LHFPL3: variants seen among roughly 807,000 people sequenced by gnomAD.
LHFPL3 encodes LHFPL tetraspan subfamily member 3.
A neutral mutation model predicts 19.3 loss-of-function variants in LHFPL3; 5 were observed. The observed-to-expected ratio is 0.26, with a 90% CI of 0.14 to 0.54. LHFPL3 has a LOEUF of 0.54. Ranked by LOEUF, LHFPL3 falls within the 20% of genes least tolerant of loss-of-function variation. The pLI is 0.94. For missense variants in LHFPL3, 249 were observed against 307.4 expected (o/e 0.81, Z 1.42); for synonymous variants, 133 against 126.2 (o/e 1.05, Z -0.36).
chr7:104,731,655 C>T (rs1440113943), intron 1 of LHFPL3, among the ~76,000 whole-genome samples: 2 of 151,790 alleles, frequency 1.3e-5, no homozygotes, highest in Non-Finnish European at 2.9e-5. Context: ...GATATACAAT[C>T]ATGTCATCTG....
At chr7:104,771,111 T>C (rs994597966) in intron 2 of LHFPL3, among the ~76,000 whole-genome samples, 1 of 152,104 alleles carries the variant, frequency 6.6e-6, no homozygotes, top group African/African-American at 2.4e-5. Context: ...TCCAGTTCTT[T>C]CTCCTCTTCA....
At chr7:104,714,567 G>A (rs908069702) in intron 1 of LHFPL3, among the ~76,000 whole-genome samples, 16 of 151,470 alleles carry the variant, frequency 1.1e-4, no homozygotes, top group African/African-American at 3.2e-4. Flanking sequence ...TCAGTGCCTC[G>A]GAGTTCATAT....
In LHFPL3 at chr7:104,833,038, T is replaced by TATATTATATAATAG. The variant is rs1554349396; in HGVS notation, c.683-73145_683-73144insTATATAATAGATAT. 1.0e-3 allele frequency among the ~76,000 whole-genome samples: 22 copies of TATATTATATAATAG among 21,604 alleles called. 3 individuals carry two copies. Among genetic ancestry groups the TATATTATATAATAG allele is most frequent in the African/African-American group, 5.1e-3 (19 of 3,760 alleles). The allele number at this position is 21,604 out of a possible 152,430, so 14.2% of individuals were successfully genotyped here. On this transcript the variant is annotated intron_variant, in intron 2 of 2. Transcript: ENST00000424859. ...TTATATATAATAGATATATTATATA[T>TATATTATATAATAG]ATATATTATATATATATTATATATA...
chr7:104,391,006 C>A (rs1361301118), intron 1 of LHFPL3, among the ~76,000 whole-genome samples: 2 of 152,108 alleles, frequency 1.3e-5, no homozygotes, highest in Non-Finnish European at 2.9e-5. Flanking sequence ...CTGTTCATAT[C>A]CTTCGCCTAC....
chr7:104,779,513 T>G (rs1794685088), intron 2 of LHFPL3, among the ~76,000 whole-genome samples: 1 of 152,114 alleles, frequency 6.6e-6, no homozygotes, highest in Non-Finnish European at 1.5e-5. Context: ...TGGTTAGATC[T>G]CTGGAGTGGT....
intron 2 of LHFPL3, among the ~76,000 whole-genome samples, chr7:104,740,623 C>G (rs942574820): frequency 5.3e-5 from 8 of 152,198 alleles, no homozygotes; most frequent in Admixed American, 4.6e-4. Context: ...AGAGCAAAGT[C>G]ACATCTACAG....
Position 104,666,150 on chromosome 7 carries a change from G to C in LHFPL3, c.446-70525G>C, listed in dbSNP as rs114463032. ...CAGTATTTAAGGTATTCAGCACCTT[G>C]ACTAGTTATCATTTCTGTGTTGGGG... On this transcript the variant is annotated intron_variant, in intron 1 of 2. Transcript: ENST00000424859. 2.6e-3 allele frequency among the ~76,000 whole-genome samples: 400 copies of C among 152,242 alleles called. 2 individuals carry two copies. The highest frequency in any genetic ancestry group is 9.3e-3 in the African/African-American group (385 of 41,552).
intron 1 of LHFPL3, among the ~76,000 whole-genome samples, chr7:104,387,250 C>A (rs1245308989): frequency 6.6e-6 from 1 of 152,088 alleles, no homozygotes; most frequent in Non-Finnish European, 1.5e-5. Context: ...TGCCTGTAAT[C>A]CCAGCTACTT....
intron 2 of LHFPL3, among the ~76,000 whole-genome samples, chr7:104,878,123 C>A (rs1791984163): frequency 5.3e-5 from 8 of 152,178 alleles, no homozygotes; most frequent in Admixed American, 5.2e-4. Context: ...GCATGAGCCA[C>A]CGTGCCTGGC....
chr7:104,474,617 A>T (rs73405790), intron 1 of LHFPL3, among the ~76,000 whole-genome samples: 15,340 of 147,566 alleles, frequency 0.1, 1,212 homozygotes, highest in African/African-American at 0.23. Flanking sequence ...CAGTAAGCAG[A>T]TATTGTGCCT....
intron 1 of LHFPL3, among the ~76,000 whole-genome samples, chr7:104,419,178 TA>T (rs61484994): frequency 4.1e-3 from 618 of 151,524 alleles, no homozygotes; most frequent in African/African-American, 0.014. Context: ...GGTATATTGG[TA>T]AAAAAAAATA....
At chr7:104,343,512 C>CAAAAAAAAAAAAAAAAAAAAAAAAA (rs536122769) in intron 1 of LHFPL3, among the ~76,000 whole-genome samples, 1 of 47,474 alleles carries the variant, frequency 2.1e-5, no homozygotes, top group Non-Finnish European at 4.2e-5. Context: ...GACTCTGTCT[C>CAAAAAAAAAAAAAAAAAAAAAAAAA]AAAAAAAAAA....
At chr7:104,780,338 C>T (rs1428386643) in intron 2 of LHFPL3, among the ~76,000 whole-genome samples, 1 of 152,128 alleles carries the variant, frequency 6.6e-6, no homozygotes, top group Non-Finnish European at 1.5e-5. Context: ...AAGCATATCC[C>T]CGTAAGTCCT....
intron 2 of LHFPL3, among the ~76,000 whole-genome samples, chr7:104,850,028 C>T (rs557544420): frequency 1.9e-4 from 29 of 152,262 alleles, no homozygotes; most frequent in African/African-American, 2.2e-4. Context: ...TTAGGCCGGG[C>T]GCGGTGGCTC....
chr7:104,660,637 G>A (rs1399929272), intron 1 of LHFPL3, among the ~76,000 whole-genome samples: 3 of 152,172 alleles, frequency 2.0e-5, no homozygotes, highest in Non-Finnish European at 4.4e-5. Context: ...GTGTATAGAG[G>A]CATAAGGAAA....
rs2116741103 is a variant in LHFPL3 at position 104,906,216 on chromosome 7, G to A, written c.*1G>A. On this transcript the variant is annotated 3_prime_UTR_variant, in exon 3 of 3. Coordinates refer to ENST00000424859, the MANE Select transcript of LHFPL3 (RefSeq NM_199000.3). ...GCTAAGCCAATATTCTCTAGAATGA[G>A]CACAAAACAAATCGAATAACAGCTA... 1 of 1,608,704 alleles carries A rather than the reference G, an allele frequency of 6.2e-7. No homozygotes were observed. Among genetic ancestry groups the A allele is most frequent in the East Asian group, 2.2e-5 (1 of 44,806 alleles).
intron 1 of LHFPL3, among the ~76,000 whole-genome samples, chr7:104,334,616 A>G (rs1801627143): frequency 6.6e-6 from 1 of 152,164 alleles, no homozygotes; most frequent in Non-Finnish European, 1.5e-5. Context: ...CGTGATACTC[A>G]TTTCTCAGTG....
chr7:104,525,169 C>G (rs1794162612), intron 1 of LHFPL3, among the ~76,000 whole-genome samples: 1 of 152,182 alleles, frequency 6.6e-6, no homozygotes, highest in African/African-American at 2.4e-5. Flanking sequence ...ATGCTGCTCA[C>G]TGTTTTAGCT....
At chr7:104,434,173 G>A (rs113723936) in intron 1 of LHFPL3, among the ~76,000 whole-genome samples, 15 of 152,154 alleles carry the variant, frequency 9.9e-5, no homozygotes, top group African/African-American at 3.4e-4. Context: ...TGGTTACAGA[G>A]GACTAACTCC....
Sources: allele counts gnomAD v4.1 joint callset (sites outside exome capture counted in the v4.1 genomes callset), GRCh38; gene constraint gnomAD v4.1.1; transcripts MANE v1.5; gene names NCBI Gene and HGNC (gene_info 2026-07-23, HGNC 2026-07-21).